SLC25A42: variants seen among roughly 807,000 people sequenced by gnomAD.
The protein encoded by SLC25A42 is solute carrier family 25 member 42, also known as mitochondrial coenzyme A transporter SLC25A42.
SLC25A42 carries 19 observed loss-of-function variants against 34.7 expected under a neutral mutation model. That is an observed-to-expected ratio of 0.55 (90% confidence interval 0.38 to 0.80). SLC25A42 has a LOEUF of 0.80. SLC25A42 is among the 30% of genes least tolerant of loss of function. The pLI is 0.00. For synonymous variants in SLC25A42, 205 were observed against 191.2 expected (o/e 1.07, Z -0.59); for missense variants, 364 against 441.3 (o/e 0.82, Z 1.57).
intron 6 of SLC25A42, 136 bp from the exon 7 acceptor site, chr19:19,107,758 T>G: frequency 1.2e-6 from 1 of 827,056 alleles, no homozygotes; most frequent in South Asian, 1.6e-5. Flanking sequence ...GTTATATGTC[T>G]TGAAGAAGAA....
intron 1 of SLC25A42, among the ~76,000 whole-genome samples, chr19:19,085,062 C>T (rs754670914): frequency 6.6e-5 from 10 of 152,120 alleles, no homozygotes; most frequent in African/African-American, 1.4e-4. Context: ...TTGTGGCTTT[C>T]GGATCCTGCA....
At chr19:19,089,527 C>CAA (rs1431417495) in intron 1 of SLC25A42, among the ~76,000 whole-genome samples, 3 of 140,696 alleles carry the variant, frequency 2.1e-5, no homozygotes, top group Admixed American at 1.4e-4. Flanking sequence ...GACTCCATCT[C>CAA]AAAAAAAATA....
chr19:19,104,300 T>C (rs1320602423), intron 3 of SLC25A42, among the ~76,000 whole-genome samples: 2 of 151,944 alleles, frequency 1.3e-5, no homozygotes, highest in South Asian at 2.1e-4. Context: ...GCAGCAGGCA[T>C]GCATGCATGT....
intron 1 of SLC25A42, among the ~76,000 whole-genome samples, chr19:19,071,177 T>C (rs1473703020): frequency 1.3e-5 from 2 of 151,966 alleles, no homozygotes; most frequent in African/African-American, 2.4e-5. Flanking sequence ...CGGCTAACTT[T>C]TAAATTTTTT....
At chr19:19,110,508 G>A (rs1427991410) in intron 7 of SLC25A42, 61 bp from the exon 8 acceptor site, 2 of 1,339,792 alleles carry the variant, frequency 1.5e-6, no homozygotes, top group South Asian at 1.8e-5. Context: ...GCGCGCGCAC[G>A]GGTGCGGGGT....
In SLC25A42 at chr19:19,109,357, C is replaced by T. The variant is rs904004447; in HGVS notation, c.650-1212C>T. Among the ~76,000 whole-genome samples, 3 of 152,170 alleles carry T rather than the reference C, an allele frequency of 2.0e-5. No individual in the cohort carries two copies. The highest frequency in any genetic ancestry group is 4.4e-5 in the Non-Finnish European group (3 of 68,022). ...CTGGAGTGCTTTCCAGCCCCTTGACCCCACGTTCTCACCCCACGTGATGCC... is the reference window on the plus strand; with the variant it reads ...CTGGAGTGCTTTCCAGCCCCTTGACTCCACGTTCTCACCCCACGTGATGCC... On this transcript the variant is annotated intron_variant, in intron 7 of 7. Coordinates refer to ENST00000318596, the MANE Select transcript of SLC25A42 (RefSeq NM_178526.5). This position sits in a 1 kb window ranked among gnomAD's most constrained non-coding sequence, Gnocchi z 4.1.
chr19:19,102,063 C>T lies in SLC25A42; in HGVS notation c.187+177C>T, dbSNP rs377409096. On this transcript the variant is annotated intron_variant, in intron 3 of 7. Transcript: ENST00000318596. Reference sequence around the variant, plus strand: ...TCGCTCTGTCACCCAGGCTGGAGTGCGGTGGTGCAATCTTGGCTCACCGCA... The same window carrying T: ...TCGCTCTGTCACCCAGGCTGGAGTGTGGTGGTGCAATCTTGGCTCACCGCA... Among the ~76,000 whole-genome samples the T allele has an allele frequency of 1.5e-4, 22 of 151,334 alleles. 1 individual carries two copies. The highest frequency in any genetic ancestry group is 1.4e-3 in the East Asian group (7 of 5,142).
chr19:19,111,021 G>C lies in SLC25A42; in HGVS notation c.*145G>C, dbSNP rs567117868. Reference sequence around the variant, plus strand: ...CGAGCAGGTGGGCCTGAGGGGCCTGGGCTCAGAGTCCACGTCCAAACGCAA... The same window carrying C: ...CGAGCAGGTGGGCCTGAGGGGCCTGCGCTCAGAGTCCACGTCCAAACGCAA... On this transcript the variant is annotated 3_prime_UTR_variant, in exon 8 of 8. Coordinates refer to ENST00000318596, the MANE Select transcript of SLC25A42 (RefSeq NM_178526.5). 2 of 904,978 alleles carry C rather than the reference G, an allele frequency of 2.2e-6. No individual in the cohort carries two copies. Among genetic ancestry groups the C allele is most frequent in the African/African-American group, 1.7e-5 (1 of 58,800 alleles). 56.1% of individuals were successfully genotyped at this position (904,978 alleles called of 1,614,324 possible).
At position 19,105,453 on chromosome 19, in the gene SLC25A42, G is replaced by A. The variant is rs1599689578; in HGVS notation, c.214-108G>A. ...GGGTTATGTGCTGTGCATGGAGATGGGGTCACCCCGGCCCCGCCTCCGCAC... is the reference window on the plus strand; with the variant it reads ...GGGTTATGTGCTGTGCATGGAGATGAGGTCACCCCGGCCCCGCCTCCGCAC... On this transcript the variant is annotated intron_variant, in intron 4 of 7. Coordinates refer to ENST00000318596, the MANE Select transcript of SLC25A42 (RefSeq NM_178526.5). 3.0e-6 allele frequency: 4 copies of A among 1,352,756 alleles called. No individual in the cohort carries two copies. In the African/African-American group the frequency reaches 4.4e-5, roughly 15 times the overall value. The allele number at this position is 1,352,756 out of a possible 1,614,324, so 83.8% of individuals were successfully genotyped here.
chr19:19,066,678 C>T (rs978420066), intron 1 of SLC25A42, among the ~76,000 whole-genome samples: 2 of 151,814 alleles, frequency 1.3e-5, no homozygotes, highest in African/African-American at 2.4e-5. Context: ...GTCTCGATCT[C>T]CTGACCTTGT....
At chr19:19,078,748 C>T (rs545624516) in intron 1 of SLC25A42, among the ~76,000 whole-genome samples, 8 of 152,316 alleles carry the variant, frequency 5.3e-5, no homozygotes, top group African/African-American at 1.9e-4. Flanking sequence ...GCTCCCACCA[C>T]CCTGTTATCC....
At chr19:19,106,881 C>G (rs559505391) in intron 6 of SLC25A42, 1 of 134,792 alleles carries the variant, frequency 7.4e-6, no homozygotes, top group Non-Finnish European at 1.5e-5. Context: ...TGCAGCGAGC[C>G]GAGATCGAGC....
intron 1 of SLC25A42, among the ~76,000 whole-genome samples, chr19:19,072,177 C>A (rs1221820968): frequency 6.6e-6 from 1 of 152,130 alleles, no homozygotes. Context: ...AATCATGGAT[C>A]ATGGGGAAGC....
chr19:19,082,179 A>G (rs1320964327), intron 1 of SLC25A42, among the ~76,000 whole-genome samples: 1 of 152,150 alleles, frequency 6.6e-6, no homozygotes, highest in African/African-American at 2.4e-5. Context: ...CACATTTGTC[A>G]TCTTTAGGTT....
chr19:19,067,695 TA>T (rs2059609577), intron 1 of SLC25A42, among the ~76,000 whole-genome samples: 1 of 152,154 alleles, frequency 6.6e-6, no homozygotes, highest in South Asian at 2.1e-4. Context: ...GAACAGTTGC[TA>T]GAAGAACCAT....
At chr19:19,101,121 G>A (rs892750897) in intron 2 of SLC25A42, among the ~76,000 whole-genome samples, 7 of 152,132 alleles carry the variant, frequency 4.6e-5, no homozygotes, top group Admixed American at 3.3e-4. Flanking sequence ...GCTGTGCGGC[G>A]TGACCTTCCA....
intron 1 of SLC25A42, among the ~76,000 whole-genome samples, chr19:19,074,215 G>A (rs999443629): frequency 2.0e-5 from 3 of 152,296 alleles, no homozygotes; most frequent in Admixed American, 6.5e-5. Flanking sequence ...CATAGAGACC[G>A]CAACAAGGGT....
chr19:19,079,730 T>C (rs991144321), intron 1 of SLC25A42, among the ~76,000 whole-genome samples: 2 of 152,158 alleles, frequency 1.3e-5, no homozygotes, highest in African/African-American at 4.8e-5. Flanking sequence ...TGTACAAGTT[T>C]CATTGTTGTT....
intron 1 of SLC25A42, among the ~76,000 whole-genome samples, chr19:19,070,617 A>G (rs10407980): frequency 0.023 from 3,574 of 152,198 alleles, 135 homozygotes; most frequent in African/African-American, 0.082. Flanking sequence ...TAAGGACACT[A>G]GTCCTTGGGT....
Sources: allele counts gnomAD v4.1 joint callset (sites outside exome capture counted in the v4.1 genomes callset), GRCh38; gene constraint gnomAD v4.1.1; non-coding constraint Gnocchi (gnomAD v3.1); transcripts MANE v1.5; gene names NCBI Gene and HGNC (gene_info 2026-07-23, HGNC 2026-07-21).